Variants in RADX observed in about 807,000 individuals in gnomAD.
RADX encodes RPA1 related single stranded DNA binding protein, X-linked, also known as RPA-related protein RADX.
RADX carries 36 observed loss-of-function variants against 61.6 expected under a neutral mutation model. The ratio of observed to expected loss-of-function variants is 0.58; its 90% CI spans 0.45 to 0.77. The LOEUF (loss-of-function observed/expected upper bound fraction) is 0.77, where lower values mean the gene tolerates loss of function less well. Ranked by LOEUF, RADX falls within the 30% of genes least tolerant of loss-of-function variation. The pLI is 0.00. For missense variants in RADX, 497 were observed against 651.1 expected, an observed-to-expected ratio of 0.76 and a Z score of 2.58; for synonymous variants, 272 against 237.9, an observed-to-expected ratio of 1.14 and a Z score of -1.32.
At chrX:106,645,329 T>C (rs1927629377) in intron 10 of RADX, among the ~76,000 whole-genome samples, 1 of 111,437 alleles carries the variant, frequency 9.0e-6, no homozygotes, top group Admixed American at 9.6e-5. Flanking sequence ...TCTAATTCTT[T>C]AAGATGCATC....
At chrX:106,660,114 T>C (rs1193944659) in intron 11 of RADX, among the ~76,000 whole-genome samples, 1 of 111,859 alleles carries the variant, frequency 8.9e-6, no homozygotes, top group Non-Finnish European at 1.9e-5. Flanking sequence ...TGAGAAGAGA[T>C]TTACTTCTAG....
chrX:106,648,730 T>C (rs1927725768), intron 11 of RADX, among the ~76,000 whole-genome samples: 1 of 111,382 alleles, frequency 9.0e-6, no homozygotes, highest in African/African-American at 3.2e-5. Context: ...CTTTCTTTGC[T>C]ATTGGGTTGG....
chrX:106,618,714 G>A (rs1385034425), intron 1 of RADX, among the ~76,000 whole-genome samples: 1 of 110,610 alleles, frequency 9.0e-6, no homozygotes, highest in Non-Finnish European at 1.9e-5. Context: ...GGAGTCGGGG[G>A]AGCCTGAGTC....
chrX:106,663,900 A>G (rs1603059539), intron 12 of RADX, among the ~76,000 whole-genome samples: 1 of 112,030 alleles, frequency 8.9e-6, no homozygotes, highest in East Asian at 2.8e-4. Flanking sequence ...TATTACATGT[A>G]ATTATAAATT....
At chrX:106,657,050 A>G (rs1927958525) in intron 11 of RADX, among the ~76,000 whole-genome samples, 1 of 112,435 alleles carries the variant, frequency 8.9e-6, no homozygotes, top group African/African-American at 3.2e-5. Context: ...ATACAAAGCT[A>G]TTTTATCTCC....
At chrX:106,669,013 A>G (rs1204683033) in intron 12 of RADX, 150 bp from the exon 13 acceptor site, 12 of 496,884 alleles carry the variant, frequency 2.4e-5, no homozygotes, top group Non-Finnish European at 4.2e-5. Flanking sequence ...ATAAATTGCA[A>G]TACTAGGAGT....
Position 106,669,324 on chromosome X carries a change from G to A in RADX, c.2431G>A (p.Val811Ile), listed in dbSNP as rs1928310171. The change falls in exon 13 of 14, where the codon GTT (valine) becomes ATT (isoleucine). Residue 811 changes from valine (V) to isoleucine (I), a missense_variant. Around this residue, in one of 3 missense-constraint regions of RADX, gnomAD observed 267 missense variants for 306.9 expected, o/e 0.87. Transcript: ENST00000372548. ...TGACCGATTGCCAGGTCCAAGAGCG[G>A]TTGCAGGTAAAACAATCTCAGTGTT... ...GNDRLPGPRA[V>I]AGDIIKAATE... 2 of 1,176,753 alleles carry A rather than the reference G, an allele frequency of 1.7e-6. No individual in the cohort carries two copies. The highest frequency in any genetic ancestry group is 2.3e-6 in the Non-Finnish European group (2 of 876,903).
chrX:106,648,480 G>T, intron 11 of RADX, 94 bp downstream of exon 11: 10 of 574,331 alleles, frequency 1.7e-5, no homozygotes, highest in South Asian at 3.1e-5. Flanking sequence ...AGTAATACAT[G>T]CTTAGAATGT....
intron 11 of RADX, among the ~76,000 whole-genome samples, chrX:106,651,819 A>G (rs1308863190): frequency 1.8e-5 from 2 of 110,528 alleles, no homozygotes; most frequent in Non-Finnish European, 3.8e-5. Flanking sequence ...AAGGGGAGGA[A>G]TTATGAAAAA....
At chrX:106,634,786 C>T (rs1247002896) in intron 6 of RADX, among the ~76,000 whole-genome samples, 3 of 111,486 alleles carry the variant, frequency 2.7e-5, no homozygotes, top group Non-Finnish European at 5.6e-5. Flanking sequence ...CCTATTGCCT[C>T]AATTTAGGTG....
intron 1 of RADX, among the ~76,000 whole-genome samples, chrX:106,616,703 A>G (rs1926811120): frequency 9.0e-6 from 1 of 110,964 alleles, no homozygotes; most frequent in Non-Finnish European, 1.9e-5. Context: ...TTACACTCCA[A>G]CCCAATGGTT....
chrX:106,678,105 T>TA (rs1172407123), intron 13 of RADX, 23 bp from the exon 14 acceptor site: 2 of 1,103,441 alleles, frequency 1.8e-6, no homozygotes, highest in Admixed American at 4.6e-5. Flanking sequence ...TTACAGTACT[T>TA]ACCATCTGCT....
At chrX:106,633,529 A>G (rs189902909) in intron 6 of RADX, among the ~76,000 whole-genome samples, 8 of 111,994 alleles carry the variant, frequency 7.1e-5, no homozygotes, top group African/African-American at 2.3e-4. Context: ...CATTAAAAAA[A>G]TCCTTAAATT....
At chrX:106,645,038 T>G (rs1927622786) in intron 10 of RADX, among the ~76,000 whole-genome samples, 1 of 111,510 alleles carries the variant, frequency 9.0e-6, no homozygotes, top group Non-Finnish European at 1.9e-5. Context: ...CTTCTAAATT[T>G]TCCATTTTAT....
intron 3 of RADX, among the ~76,000 whole-genome samples, chrX:106,632,053 AAC>A: frequency 9.0e-6 from 1 of 111,705 alleles, no homozygotes; most frequent in Middle Eastern, 4.6e-3. Context: ...ACCTTAGAAA[AAC>A]AGTTGCCTGT....
chrX:106,669,956 G>T (rs1278788521), intron 13 of RADX, among the ~76,000 whole-genome samples: 1 of 111,823 alleles, frequency 8.9e-6, no homozygotes, highest in Non-Finnish European at 1.9e-5. Flanking sequence ...ATGTGGTAAA[G>T]TTTCTAGCAG....
At chrX:106,623,003 T>C (rs1483301982) in intron 2 of RADX, among the ~76,000 whole-genome samples, 2 of 111,711 alleles carry the variant, frequency 1.8e-5, no homozygotes, top group Non-Finnish European at 3.8e-5. Flanking sequence ...GTGCCCTTTA[T>C]TTCCCTGATC....
At chrX:106,653,981 G>C (rs1927864787) in intron 11 of RADX, among the ~76,000 whole-genome samples, 1 of 111,854 alleles carries the variant, frequency 8.9e-6, no homozygotes, top group South Asian at 3.7e-4. Context: ...ATTGTGAACA[G>C]TGCCTCAATA....
chrX:106,620,375 A>G (rs2147611629), intron 1 of RADX, among the ~76,000 whole-genome samples: 1 of 111,615 alleles, frequency 9.0e-6, no homozygotes, highest in African/African-American at 3.3e-5. Context: ...TTTATAGTAC[A>G]GTAAAAAGCT....
Sources: gnomAD v4.1 joint callset for allele counts (sites outside exome capture counted in the v4.1 genomes callset) on GRCh38, gnomAD v4.1.1 for gene constraint, gnomAD v4.1.1 regional missense constraint, MANE v1.5 for transcripts, NCBI Gene and HGNC (gene_info 2026-07-23, HGNC 2026-07-21) for gene names.